MYO15A: variants seen among roughly 807,000 people sequenced by gnomAD.
MYO15A encodes the protein myosin XVA, also known as unconventional myosin-XV.
In MYO15A, 308 loss-of-function variants were observed where a neutral mutation model predicts 394.6. The ratio of observed to expected loss-of-function variants is 0.78; its 90% confidence interval spans 0.71 to 0.86. The LOEUF (loss-of-function observed/expected upper bound fraction) is 0.86. MYO15A is among the 40% of genes least tolerant of loss of function. The pLI is 0.00. For synonymous variants in MYO15A, 1,957 were observed against 2,003.8 expected, an observed-to-expected ratio of 0.98 and a Z score of 0.62; for missense variants, 4,606 against 4,799.1, an observed-to-expected ratio of 0.96 and a Z score of 1.19.
At chr17:18,111,153 A>C (rs2045715077) in intron 1 of MYO15A, among the ~76,000 whole-genome samples, 1 of 152,202 alleles carries the variant, frequency 6.6e-6, no homozygotes, top group Non-Finnish European at 1.5e-5. Context: ...CATCCTGGGC[A>C]ACATAGTGGG....
chr17:18,176,150 T>G (rs938796809), intron 65 of MYO15A, among the ~76,000 whole-genome samples: 1 of 152,142 alleles, frequency 6.6e-6, no homozygotes, highest in Non-Finnish European at 1.5e-5. Flanking sequence ...ATGTATTGTC[T>G]CCTTATATTA....
intron 62 of MYO15A, among the ~76,000 whole-genome samples, chr17:18,169,209 G>A (rs2046904603): frequency 1.3e-5 from 2 of 151,214 alleles, no homozygotes; most frequent in South Asian, 2.1e-4. Flanking sequence ...CACTTTGGGA[G>A]GTCGAGGTGC....
chr17:18,160,132 C>T (rs2046754979), intron 56 of MYO15A, 115 bp downstream of exon 56: 3 of 948,346 alleles, frequency 3.2e-6, no homozygotes, highest in Admixed American at 4.0e-5. Context: ...CTTCCTCTCA[C>T]CCTCATCCTC....
rs771594781 is a variant in MYO15A at position 18,149,336 on chromosome 17, T to C, written c.7077T>C (p.Asn2359=). 6.2e-7 allele frequency: 1 copy of C among 1,610,884 alleles called. No homozygotes were observed. The highest frequency in any genetic ancestry group is 2.2e-5 in the East Asian group (1 of 44,806). Residue 2359 remains asparagine, a synonymous_variant, in exon 34 of 66, where the codon AAT becomes AAC. Transcript: ENST00000647165. ...GCAGCCACAATCAGGACGGTACAAA[T>C]GGGGAGACTGAGGCCCAAAGAGGGA... is the stretch of plus-strand genomic sequence containing the variant. The part of the protein sequence containing the change: ...GYSSHNQDGT[N]GETEAQRGTA...
chr17:18,139,655 T>A, intron 19 of MYO15A, 44 bp downstream of exon 19: 2 of 1,604,358 alleles, frequency 1.2e-6, no homozygotes, highest in Non-Finnish European at 1.7e-6. Context: ...CCCAGGCATG[T>A]CCCCACCCCC....
In MYO15A at chr17:18,167,371, C is replaced by CCCA. The variant is rs1167297826; in HGVS notation, c.9949-219_9949-218insCCA. Among the ~76,000 whole-genome samples the CCCA allele has an allele frequency of 2.6e-5, 4 of 152,252 alleles. No homozygotes were observed. The East Asian group carries it at 7.7e-4, about 29-fold the overall frequency. On this transcript the variant is annotated intron_variant, in intron 61 of 65. Transcript: ENST00000647165. The stretch of plus-strand genomic sequence containing the variant: ...CCAGCCCACATCCTACACAAGGTTG[C>CCCA]TGTGGGGACTCCCTCATGGGCATCA...
chr17:18,143,913 T>TCCTC lies in MYO15A; in HGVS notation c.6091_6094dup (p.Arg2032ProfsTer6). 1 of 1,602,304 alleles carries TCCTC rather than the reference T, an allele frequency of 6.2e-7. No individual in the cohort carries two copies. The highest frequency in any genetic ancestry group is 2.2e-5 in the East Asian group (1 of 44,644). On this transcript the variant is annotated frameshift_variant, in exon 28 of 66. Coordinates refer to ENST00000647165, the MANE Select transcript of MYO15A (RefSeq NM_016239.4). LOFTEE classifies it high-confidence loss of function. Reference sequence around the variant, plus strand: ...TGCCTCAGGTGGCCCCTGTGAGGACTCCTCGACTCCAGGCTGAGCCCCGTG... The same window carrying TCCTC: ...TGCCTCAGGTGGCCCCTGTGAGGACTCCTCCCTCGACTCCAGGCTGAGCCCCGTG...
chr17:18,126,099 C>A (rs1038941816), intron 4 of MYO15A, among the ~76,000 whole-genome samples: 1 of 152,250 alleles, frequency 6.6e-6, no homozygotes, highest in Admixed American at 6.5e-5. Flanking sequence ...GGAGCCCACC[C>A]AGGATCGTGG....
At chr17:18,167,328 A>C (rs1348331526) in intron 61 of MYO15A, among the ~76,000 whole-genome samples, 3 of 152,166 alleles carry the variant, frequency 2.0e-5, no homozygotes, top group African/African-American at 7.2e-5. Flanking sequence ...TGCAGTGTTG[A>C]TGCTCTGCTC....
In MYO15A at chr17:18,142,230, G is replaced by A. The variant is rs753030907; in HGVS notation, c.5801G>A (p.Ser1934Asn). 2 of 1,613,138 alleles carry A rather than the reference G, an allele frequency of 1.2e-6. No individual in the cohort carries two copies. Among genetic ancestry groups the A allele is most frequent in the Non-Finnish European group, 1.7e-6 (2 of 1,179,940 alleles). Residue 1934 changes from serine (S) to asparagine (N), a missense_variant, in exon 24 of 66, where the codon AGC becomes AAC. Coordinates refer to ENST00000647165, the MANE Select transcript of MYO15A (RefSeq NM_016239.4). ...CGCCACAAGATCATCCTGCTGCAAA[G>A]CCGGGCCCGTGGCTACCTTGCCAGG... ...SLRHKIILLQ[S>N]RARGYLARQR...
At position 18,148,316 on chromosome 17, in the gene MYO15A, C is replaced by T; in HGVS notation, c.6691+106C>T. On this transcript the variant is annotated intron_variant, in intron 31 of 65. Transcript: ENST00000647165. This position sits in a 1 kb window ranked among gnomAD's most constrained non-coding sequence, Gnocchi z 4.8. Reference sequence around the variant, plus strand: ...GGATGTTCTGGAGCTGGGGAGGGGCCTTCTCAGATGTGGCTCTGCGTGAAA... The same window carrying T: ...GGATGTTCTGGAGCTGGGGAGGGGCTTTCTCAGATGTGGCTCTGCGTGAAA... 1 of 1,518,960 alleles carries T rather than the reference C, an allele frequency of 6.6e-7. No individual in the cohort carries two copies. Among genetic ancestry groups the T allele is most frequent in the Non-Finnish European group, 8.9e-7 (1 of 1,119,160 alleles). 94.1% of individuals were successfully genotyped at this position (1,518,960 alleles called of 1,614,324 possible).
chr17:18,143,827 A>G, intron 27 of MYO15A, 31 bp downstream of exon 27: 1 of 1,570,464 alleles, frequency 6.4e-7, no homozygotes, highest in Non-Finnish European at 8.6e-7. Flanking sequence ...GGGAGGGCCC[A>G]GGCAGATCAG....
chr17:18,145,068 C>T (rs1293365889), intron 29 of MYO15A, among the ~76,000 whole-genome samples: 1 of 152,102 alleles, frequency 6.6e-6, no homozygotes, highest in East Asian at 1.9e-4. Context: ...AGAAAGTACA[C>T]AGAGAAGAGG....
At position 18,130,527 on chromosome 17, in the gene MYO15A, C is replaced by A. The variant is rs1230710463; in HGVS notation, c.4033-278C>A. 9.2e-5 allele frequency among the ~76,000 whole-genome samples: 14 copies of A among 151,876 alleles called. No homozygotes were observed. The East Asian group carries it at 2.3e-3, about 25-fold the overall frequency. On this transcript the variant is annotated intron_variant, in intron 7 of 65. Transcript: ENST00000647165. ...GGGTGTCAGGGAACAGTGAGGAAGGCCAGGGAGGATCCTTGGCTGGTGGTA... is the reference window on the plus strand; with the variant it reads ...GGGTGTCAGGGAACAGTGAGGAAGGACAGGGAGGATCCTTGGCTGGTGGTA...
chr17:18,158,735 C>G, intron 52 of MYO15A, 97 bp downstream of exon 52: 1 of 1,477,832 alleles, frequency 6.8e-7, no homozygotes. Context: ...GGCCCCACTT[C>G]TGGTGGGAGA....
intron 50 of MYO15A, 199 bp downstream of exon 50, chr17:18,157,429 G>A: frequency 1.1e-6 from 1 of 911,532 alleles, no homozygotes; most frequent in East Asian, 2.6e-5. Flanking sequence ...GGGTCTCCGT[G>A]GGCATTTCCA....
In MYO15A at chr17:18,150,429, G is replaced by C. The variant is rs1457841831; in HGVS notation, c.7213G>C (p.Asp2405His). The C allele has an allele frequency of 1.2e-6, 2 of 1,614,002 alleles. No homozygotes were observed. The highest frequency in any genetic ancestry group is 1.3e-5 in the African/African-American group (1 of 75,018). The change falls in exon 36 of 66, where the codon GAC becomes CAC. Residue 2405 changes from aspartate (D) to histidine (H), a missense_variant and splice_region_variant. This residue lies in a region of MYO15A where 2,776 missense variants were observed against 3,109.3 expected (regional missense o/e 0.89). Transcript: ENST00000647165. This position sits in a 1 kb window ranked among gnomAD's most constrained non-coding sequence, Gnocchi z 4.4. ...CACTTGAGCCACCCACTGCCCCCAGGACCTGGAGAAGCCAACAGCCATTGC... is the reference window on the plus strand; with the variant it reads ...CACTTGAGCCACCCACTGCCCCCAGCACCTGGAGAAGCCAACAGCCATTGC... ...FDPVLSYGDA[D>H]LEKPTAIAYR...
intron 35 of MYO15A, 85 bp downstream of exon 35, chr17:18,149,665 G>A (rs1344508534): frequency 1.4e-6 from 2 of 1,419,204 alleles, no homozygotes; most frequent in Non-Finnish European, 2.0e-6. Flanking sequence ...GGTGACCTGA[G>A]AGCTTCTCAC....
intron 47 of MYO15A, 128 bp downstream of exon 47, chr17:18,155,560 G>A: frequency 1.1e-6 from 1 of 909,136 alleles, no homozygotes. Flanking sequence ...AGCCATTGAA[G>A]CAAACCCATT....
Sources: allele counts gnomAD v4.1 joint callset (sites outside exome capture counted in the v4.1 genomes callset), GRCh38; gene constraint gnomAD v4.1.1; regional missense constraint gnomAD v4.1.1; non-coding constraint Gnocchi (gnomAD v3.1); transcripts MANE v1.5; gene names NCBI Gene and HGNC (gene_info 2026-07-23, HGNC 2026-07-21).